The following PDLIM7 variants were observed in gnomAD, a reference collection of about 807,000 sequenced individuals.
The protein encoded by PDLIM7 is PDZ and LIM domain protein 7.
In PDLIM7, 37 loss-of-function variants were observed where a neutral mutation model predicts 53.9. The ratio of observed to expected loss-of-function variants is 0.69; its 90% CI spans 0.53 to 0.90. The LOEUF is 0.90. PDLIM7 is among the 40% of genes least tolerant of loss of function. The pLI, the probability that PDLIM7 is intolerant of heterozygous loss-of-function variation, is 0.00. For synonymous variants in PDLIM7, 300 were observed against 261.3 expected, an observed-to-expected ratio of 1.15 and a Z score of -1.43; for missense variants, 617 against 638.5, an observed-to-expected ratio of 0.97 and a Z score of 0.36.
chr5:177,491,381 C>T, intron 5 of PDLIM7: 1 of 1,552,206 alleles, frequency 6.4e-7, no homozygotes, highest in Non-Finnish European at 8.7e-7. Context: ...AAGAAAGGCA[C>T]AGGCAGAGGG....
chr5:177,486,725 G>A (rs1342269816), intron 10 of PDLIM7, among the ~76,000 whole-genome samples: 10 of 151,712 alleles, frequency 6.6e-5, no homozygotes, highest in African/African-American at 1.7e-4. Flanking sequence ...TGCAAGCTCT[G>A]CCTCCCAGGT....
intron 2 of PDLIM7, 73 bp downstream of exon 2, chr5:177,496,344 C>A (rs1048047849): frequency 7.0e-6 from 8 of 1,140,170 alleles, no homozygotes; most frequent in Non-Finnish European, 9.7e-6. Context: ...TGTTAGGACT[C>A]CCCCCATCAC....
Position 177,488,113 on chromosome 5 carries a change from C to G in PDLIM7, c.1005G>C (p.Val335=). 6.2e-7 allele frequency: 1 copy of G among 1,612,538 alleles called. No individual in the cohort carries two copies. The highest frequency in any genetic ancestry group is 1.3e-5 in the African/African-American group (1 of 74,982). Residue 335 remains valine (V), a synonymous_variant, in exon 10 of 13, where the codon GTG becomes GTC. Coordinates refer to ENST00000355841, the MANE Select transcript of PDLIM7 (RefSeq NM_005451.5). ...ACTTGGCACAGCTGGGTGCATAGCG[C>G]ACGTCATAGCATGGTGGGCAGAAGA... is the stretch of plus-strand genomic sequence containing the variant. ...GAIFCPPCYD[V]RYAPSCAKCK... is the part of the protein sequence containing the mutation.
chr5:177,492,808 T>C (rs1022909728), intron 2 of PDLIM7, 131 bp from the exon 3 acceptor site: 8 of 1,004,360 alleles, frequency 8.0e-6, no homozygotes, highest in South Asian at 3.1e-5. Context: ...TCAACATAGT[T>C]CTAGGCAGCT....
chr5:177,494,631 C>T (rs1401072402), intron 2 of PDLIM7, among the ~76,000 whole-genome samples: 1 of 152,054 alleles, frequency 6.6e-6, no homozygotes, highest in Non-Finnish European at 1.5e-5. Flanking sequence ...GAGGGGTGTT[C>T]AGAGCGTGGG....
In PDLIM7 at chr5:177,485,782, C is replaced by T. The variant is rs561595076; in HGVS notation, c.1051-1592G>A. Among the ~76,000 whole-genome samples, 25 of 152,184 alleles carry T rather than the reference C, an allele frequency of 1.6e-4. No homozygotes were observed. The East Asian group carries it at 4.3e-3, about 26-fold the overall frequency. On this transcript the variant is annotated intron_variant, in intron 10 of 12. Transcript: ENST00000355841. ...GGAGGATCGCTCGAGGCCAGGAGTT[C>T]GAGACCAGCCTGGGCAACATAGCAA...
At chr5:177,491,999 C>T in intron 4 of PDLIM7, 74 bp from the exon 5 acceptor site, 1 of 656,064 alleles carries the variant, frequency 1.5e-6, no homozygotes, top group Non-Finnish European at 2.3e-6. Flanking sequence ...GGGGCGCCTG[C>T]AGCAGAGGAC....
At chr5:177,490,730 GA>G in intron 7 of PDLIM7, 139 bp downstream of exon 7, 1 of 748,872 alleles carries the variant, frequency 1.3e-6, no homozygotes, top group Non-Finnish European at 2.3e-6. Context: ...AGGAAGGAAG[GA>G]AGGAAGGAAG....
chr5:177,488,289 G>A (rs367885345), intron 9 of PDLIM7, 41 bp from the exon 10 acceptor site: 2 of 1,534,876 alleles, frequency 1.3e-6, no homozygotes, highest in Non-Finnish European at 1.8e-6. Flanking sequence ...CACACGCAGA[G>A]AGGTGGGGGT....
At chr5:177,496,063 T>C (rs1759054895) in intron 2 of PDLIM7, among the ~76,000 whole-genome samples, 1 of 152,082 alleles carries the variant, frequency 6.6e-6, no homozygotes, top group Non-Finnish European at 1.5e-5. Flanking sequence ...ATAGTCACAG[T>C]GTCCTGCCTG....
At chr5:177,497,298 G>A (rs911497444) in intron 1 of PDLIM7, among the ~76,000 whole-genome samples, 3 of 152,062 alleles carry the variant, frequency 2.0e-5, no homozygotes, top group Non-Finnish European at 4.4e-5. Flanking sequence ...TCCCCCGCCC[G>A]GGCCCCATGC....
intron 2 of PDLIM7, among the ~76,000 whole-genome samples, chr5:177,493,838 G>T (rs543983449): frequency 6.6e-6 from 1 of 152,122 alleles, no homozygotes; most frequent in South Asian, 2.1e-4. Flanking sequence ...ATCTGGGGGG[G>T]TCCAGGCTGC....
rs768479307 is a variant in PDLIM7 at position 177,489,597 on chromosome 5, G to A, written c.665C>T (p.Pro222Leu). 90 of 1,605,408 alleles carry A rather than the reference G, an allele frequency of 5.6e-5. No homozygotes were observed. Among genetic ancestry groups the A allele is most frequent in the East Asian group, 8.9e-5 (4 of 44,712 alleles). ...GPTAPSPTSR[P>L]PWAVDPAFAE... ...AAACGCAGGGTCCACAGCCCAGGGC[G>A]GGCGGCTGGTAGGGCTGGGGGCGGT... Residue 222 changes from proline (P) to leucine (L), a missense_variant, in exon 9 of 13, where the codon CCG becomes CTG. By Grantham distance (98) the Pro-to-Leu change is moderately conservative. Transcript: ENST00000355841.
At chr5:177,490,070 C>G in intron 7 of PDLIM7, 1 of 1,531,112 alleles carries the variant, frequency 6.5e-7, no homozygotes, top group Non-Finnish European at 8.7e-7. Flanking sequence ...TGAGGCAGCT[C>G]CTGGGGTTCC....
intron 12 of PDLIM7, 21 bp downstream of exon 12, chr5:177,483,846 T>C (rs773624311): frequency 1.2e-6 from 2 of 1,609,208 alleles, no homozygotes; most frequent in Middle Eastern, 1.7e-4. Context: ...TGGGGCTCAG[T>C]TCGAGGGGCG....
At position 177,496,414 on chromosome 5, in the gene PDLIM7, C is replaced by A; in HGVS notation, c.96+3G>T. ...GGAGCCCCCTCCCCAAACCTAGGCT[C>A]ACCCGGGAAATGGAGAGGGGCACAT... On this transcript the variant is annotated splice_donor_region_variant and intron_variant, in intron 2 of 12. Coordinates refer to ENST00000355841, the MANE Select transcript of PDLIM7 (RefSeq NM_005451.5). The A allele has an allele frequency of 6.3e-7, 1 of 1,586,378 alleles. No individual in the cohort carries two copies. The highest frequency in any genetic ancestry group is 8.6e-7 in the Non-Finnish European group (1 of 1,166,210).
Position 177,483,527 on chromosome 5 carries a change from G to T in PDLIM7, c.*117C>A. On this transcript the variant is annotated 3_prime_UTR_variant, in exon 13 of 13. Coordinates refer to ENST00000355841, the MANE Select transcript of PDLIM7 (RefSeq NM_005451.5). ...TGGGGCAGGGCCCAGGGAGCCCCAG[G>T]CTCGGGCCAGGAGCCAGGGTTAAGG... 1 of 710,968 alleles carries T rather than the reference G, an allele frequency of 1.4e-6. No individual in the cohort carries two copies. Among genetic ancestry groups the T allele is most frequent in the Non-Finnish European group, 2.4e-6 (1 of 422,414 alleles). The allele number at this position is 710,968 out of a possible 1,614,324, so 44.0% of individuals were successfully genotyped here.
At position 177,492,436 on chromosome 5, in the gene PDLIM7, C is replaced by G; in HGVS notation, c.249-1G>C. 1 of 1,613,694 alleles carries G rather than the reference C, an allele frequency of 6.2e-7. No homozygotes were observed. Among genetic ancestry groups the G allele is most frequent in the Non-Finnish European group, 8.5e-7 (1 of 1,179,790 alleles). On this transcript the variant is annotated splice_acceptor_variant, in intron 3 of 12. Coordinates refer to ENST00000355841, the MANE Select transcript of PDLIM7 (RefSeq NM_005451.5). LOFTEE classifies it high-confidence loss of function. ...CGGTTTGCTCTGAACCGGCTGGGCC[C>G]TGGAGGAGAAGGAAAGCGTGACAGC...
intron 5 of PDLIM7, 145 bp downstream of exon 5, chr5:177,491,662 T>C (rs1758790867): frequency 3.3e-6 from 2 of 605,912 alleles, no homozygotes; most frequent in Admixed American, 6.7e-5. Flanking sequence ...GCCCTGTGCC[T>C]GCAGCCCCAC....
Sources: gnomAD v4.1 joint callset for allele counts (sites outside exome capture counted in the v4.1 genomes callset) on GRCh38, gnomAD v4.1.1 for gene constraint, MANE v1.5 for transcripts, NCBI Gene and HGNC (gene_info 2026-07-23, HGNC 2026-07-21) for gene names.